The following HECA variants were observed in gnomAD, a reference collection of about 807,000 sequenced individuals.
HECA encodes headcase protein homolog.
A neutral mutation model predicts 37.6 loss-of-function variants in HECA; 13 were observed. The observed-to-expected ratio is 0.35, with a 90% CI of 0.23 to 0.55. The LOEUF is 0.55. HECA is among the 20% of genes least tolerant of loss of function. The pLI is 0.90. For missense variants in HECA, 527 were observed against 701.9 expected (o/e 0.75, Z 2.82); for synonymous variants, 307 against 291.5 (o/e 1.05, Z -0.54).
chr6:139,158,946 G>A (rs1210004691), intron 1 of HECA, among the ~76,000 whole-genome samples: 1 of 152,010 alleles, frequency 6.6e-6, no homozygotes, highest in Non-Finnish European at 1.5e-5. Context: ...GGTGGCGCAT[G>A]CCTGTAATCT....
chr6:139,178,156 G>C lies in HECA; in HGVS notation c.*1051G>C, dbSNP rs891724095. On this transcript the variant is annotated 3_prime_UTR_variant, in exon 4 of 4. Coordinates refer to ENST00000367658, the MANE Select transcript of HECA (RefSeq NM_016217.3). Reference sequence around the variant, plus strand: ...CTATTTCTTTTAAAAGTATGTTTTGGAAAATCAATGATTTTAATGCATAGC... The same window carrying C: ...CTATTTCTTTTAAAAGTATGTTTTGCAAAATCAATGATTTTAATGCATAGC... The C allele has an allele frequency of 6.6e-6, 1 of 152,112 alleles. No homozygotes were observed. Among genetic ancestry groups the C allele is most frequent in the African/African-American group, 2.4e-5 (1 of 41,406 alleles). 9.4% of individuals were successfully genotyped at this position (152,112 alleles called of 1,614,324 possible).
At position 139,178,176 on chromosome 6, in the gene HECA, C is replaced by T. The variant is rs1349603856; in HGVS notation, c.*1071C>T. The T allele has an allele frequency of 1.3e-5, 2 of 152,098 alleles. No homozygotes were observed. The highest frequency in any genetic ancestry group is 2.9e-5 in the Non-Finnish European group (2 of 68,020). The allele number at this position is 152,098 out of a possible 1,614,324, so 9.4% of individuals were successfully genotyped here. On this transcript the variant is annotated 3_prime_UTR_variant, in exon 4 of 4. Coordinates refer to ENST00000367658, the MANE Select transcript of HECA (RefSeq NM_016217.3). ...TTTTGGAAAATCAATGATTTTAATGCATAGCAGTATGTTTGAAAAATAGAC... is the reference window on the plus strand; with the variant it reads ...TTTTGGAAAATCAATGATTTTAATGTATAGCAGTATGTTTGAAAAATAGAC...
chr6:139,174,597 G>GA (rs1379038634), intron 3 of HECA, 58 bp downstream of exon 3: 2 of 1,571,118 alleles, frequency 1.3e-6, no homozygotes, highest in African/African-American at 2.7e-5. Context: ...GTCCCCAAGT[G>GA]AATGTAGGGA....
At chr6:139,161,285 T>G (rs1479946238) in intron 1 of HECA, among the ~76,000 whole-genome samples, 2 of 152,112 alleles carry the variant, frequency 1.3e-5, no homozygotes, top group Non-Finnish European at 2.9e-5. Flanking sequence ...CTGGGTGTAT[T>G]TAACATGCTC....
intron 1 of HECA, among the ~76,000 whole-genome samples, chr6:139,146,168 G>A (rs1280655260): frequency 1.3e-5 from 2 of 152,140 alleles, no homozygotes. Context: ...ATTAAAAATA[G>A]AATGCCTTAA....
In HECA at chr6:139,177,308, A is replaced by G; in HGVS notation, c.*203A>G. The G allele has an allele frequency of 2.3e-6, 1 of 443,454 alleles. No homozygotes were observed. Among genetic ancestry groups the G allele is most frequent in the Non-Finnish European group, 4.1e-6 (1 of 244,118 alleles). 27.5% of individuals were successfully genotyped at this position (443,454 alleles called of 1,614,324 possible). ...ATCTGTGGTTTTGACCAGAGCCCAGATGGGTAATCCTGTGCATTTGGGTTG... is the reference window on the plus strand; with the variant it reads ...ATCTGTGGTTTTGACCAGAGCCCAGGTGGGTAATCCTGTGCATTTGGGTTG... On this transcript the variant is annotated 3_prime_UTR_variant, in exon 4 of 4. Coordinates refer to ENST00000367658, the MANE Select transcript of HECA (RefSeq NM_016217.3). The surrounding 1 kb of genome is among the most constrained non-coding windows in gnomAD (Gnocchi z 4.9).
chr6:139,151,246 T>A (rs559654145), intron 1 of HECA: 1 of 152,294 alleles, frequency 6.6e-6, no homozygotes, highest in South Asian at 2.1e-4. Flanking sequence ...AAAGAGTGTA[T>A]TTCAGAAAGT....
intron 1 of HECA, among the ~76,000 whole-genome samples, chr6:139,140,157 T>G (rs1774496455): frequency 6.6e-6 from 1 of 152,242 alleles, no homozygotes; most frequent in Non-Finnish European, 1.5e-5. Context: ...TTTTAAATAG[T>G]TTCTTTTTAG....
rs1774830245 is a variant in HECA at position 139,163,109 on chromosome 6, A to C, written c.272-3175A>C. Reference sequence around the variant, plus strand: ...CTGCTCATTTTGGCTGGGACTTTTCAGGTTTATTGCATCCAGTGAATTCTT... The same window carrying C: ...CTGCTCATTTTGGCTGGGACTTTTCCGGTTTATTGCATCCAGTGAATTCTT... On this transcript the variant is annotated intron_variant, in intron 1 of 3. Transcript: ENST00000367658. Among the ~76,000 whole-genome samples the C allele has an allele frequency of 3.9e-5, 6 of 152,220 alleles. No homozygotes were observed. In the South Asian group the frequency reaches 1.2e-3, roughly 32 times the overall value.
intron 1 of HECA, among the ~76,000 whole-genome samples, chr6:139,150,410 A>G (rs1033586816): frequency 4.6e-5 from 7 of 151,852 alleles, no homozygotes; most frequent in African/African-American, 1.7e-4. Flanking sequence ...GTTTTCCTCA[A>G]CTTATATTTT....
intron 1 of HECA, among the ~76,000 whole-genome samples, chr6:139,152,082 C>CTAT (rs1774658529): frequency 6.6e-6 from 1 of 152,192 alleles, no homozygotes; most frequent in South Asian, 2.1e-4. Context: ...AACTATGACA[C>CTAT]TATTATCTTC....
chr6:139,140,864 C>A (rs1347099553), intron 1 of HECA, among the ~76,000 whole-genome samples: 1 of 152,104 alleles, frequency 6.6e-6, no homozygotes, highest in African/African-American at 2.4e-5. Context: ...TATCTCGGCT[C>A]ACTGCAAGCT....
At chr6:139,171,656 G>A (rs1218730767) in intron 2 of HECA, among the ~76,000 whole-genome samples, 1 of 151,510 alleles carries the variant, frequency 6.6e-6, no homozygotes, top group Non-Finnish European at 1.5e-5. Context: ...GAGTATCTCA[G>A]TCTGTCACCC....
Position 139,179,693 on chromosome 6 carries a change from G to A in HECA, c.*2588G>A, listed in dbSNP as rs1026799490. On this transcript the variant is annotated 3_prime_UTR_variant, in exon 4 of 4. Coordinates refer to ENST00000367658, the MANE Select transcript of HECA (RefSeq NM_016217.3). ...ACACCATGAAGATAAATCTTATTTT[G>A]GAAATCTACTGACCTTAATACCCCA... The A allele has an allele frequency of 6.6e-6, 1 of 151,990 alleles. No homozygotes were observed. Among genetic ancestry groups the A allele is most frequent in the African/African-American group, 2.4e-5 (1 of 41,378 alleles). 9.4% of individuals were successfully genotyped at this position (151,990 alleles called of 1,614,324 possible).
At chr6:139,156,781 C>A (rs1480494673) in intron 1 of HECA, among the ~76,000 whole-genome samples, 1 of 152,190 alleles carries the variant, frequency 6.6e-6, no homozygotes, top group Non-Finnish European at 1.5e-5. Flanking sequence ...ATAATCTGTT[C>A]TGAATTATGT....
intron 2 of HECA, chr6:139,170,324 TC>T (rs956001149): frequency 1.3e-5 from 2 of 152,240 alleles, no homozygotes; most frequent in African/African-American, 4.8e-5. Context: ...TTGCTTGTCA[TC>T]AATTTATAAT....
At chr6:139,145,814 C>T (rs1774577949) in intron 1 of HECA, among the ~76,000 whole-genome samples, 1 of 152,004 alleles carries the variant, frequency 6.6e-6, no homozygotes, top group Admixed American at 6.6e-5. Context: ...ATGAAAGATG[C>T]GATAGTTTGG....
At chr6:139,163,694 G>C (rs954766615) in intron 1 of HECA, among the ~76,000 whole-genome samples, 3 of 152,102 alleles carry the variant, frequency 2.0e-5, no homozygotes, top group African/African-American at 7.2e-5. Flanking sequence ...TTGTTTTTCA[G>C]TAAATTCTGA....
At chr6:139,136,292 G>GA (rs1774435461) in intron 1 of HECA, among the ~76,000 whole-genome samples, 1 of 145,878 alleles carries the variant, frequency 6.9e-6, no homozygotes, top group Admixed American at 6.8e-5. Flanking sequence ...AAAAAGAAAA[G>GA]AAAGAAAAGA....
Sources: gnomAD v4.1 joint callset for allele counts (sites outside exome capture counted in the v4.1 genomes callset) on GRCh38, gnomAD v4.1.1 for gene constraint, Gnocchi (gnomAD v3.1) non-coding constraint, MANE v1.5 for transcripts, NCBI Gene and HGNC (gene_info 2026-07-23, HGNC 2026-07-21) for gene names.